RBM6: variants seen among roughly 807,000 people sequenced by gnomAD.
RBM6 encodes RNA-binding protein 6.
Under a neutral mutation model 140.4 loss-of-function variants are expected in RBM6, and 23 were observed. The ratio of observed to expected loss-of-function variants is 0.16; its 90% confidence interval spans 0.12 to 0.23. The LOEUF is 0.23. Ranked by LOEUF, RBM6 falls within the 10% of genes least tolerant of loss-of-function variation. RBM6 has a pLI of 1.00. For synonymous variants in RBM6, 439 were observed against 475.6 expected (o/e 0.92, Z 1.00); for missense variants, 1,139 against 1,386.7 (o/e 0.82, Z 2.84).
chr3:50,032,403 GAA>G (rs2088223462), intron 6 of RBM6, among the ~76,000 whole-genome samples: 1 of 149,832 alleles, frequency 6.7e-6, no homozygotes, highest in East Asian at 2.0e-4. Context: ...AGAATTGGTT[GAA>G]CCCAGGAGGT....
intron 6 of RBM6, among the ~76,000 whole-genome samples, chr3:50,046,933 T>C (rs1046284042): frequency 6.6e-6 from 1 of 152,106 alleles, no homozygotes; most frequent in Non-Finnish European, 1.5e-5. Flanking sequence ...TCGGATCATT[T>C]AGGGGATTAA....
At chr3:50,019,829 G>A (rs2087384731) in intron 6 of RBM6, among the ~76,000 whole-genome samples, 1 of 151,766 alleles carries the variant, frequency 6.6e-6, no homozygotes, top group South Asian at 2.1e-4. Context: ...AAGGGGATTG[G>A]ATTTTTGTCA....
chr3:50,034,692 CG>C (rs1033114366), intron 6 of RBM6, among the ~76,000 whole-genome samples: 1 of 151,524 alleles, frequency 6.6e-6, no homozygotes, highest in African/African-American at 2.4e-5. Flanking sequence ...ACCCGGGAGG[CG>C]GAAGTTGCAG....
At chr3:49,992,546 G>A (rs2085876637) in intron 5 of RBM6, among the ~76,000 whole-genome samples, 1 of 152,170 alleles carries the variant, frequency 6.6e-6, no homozygotes, top group Non-Finnish European at 1.5e-5. Flanking sequence ...ACCCTGCAAA[G>A]GATTTATCAT....
intron 6 of RBM6, among the ~76,000 whole-genome samples, chr3:50,012,071 G>A (rs2086875483): frequency 6.6e-6 from 1 of 151,860 alleles, no homozygotes; most frequent in Non-Finnish European, 1.5e-5. Flanking sequence ...GGTTGGTCTT[G>A]AACTTCTAAA....
intron 1 of RBM6, among the ~76,000 whole-genome samples, chr3:49,961,269 G>A (rs990099169): frequency 2.6e-5 from 4 of 152,036 alleles, no homozygotes; most frequent in Non-Finnish European, 5.9e-5. Flanking sequence ...GTAGAGATGA[G>A]ATTTCACCAT....
intron 5 of RBM6, among the ~76,000 whole-genome samples, chr3:49,990,258 T>G (rs2085759923): frequency 6.6e-6 from 1 of 152,230 alleles, no homozygotes; most frequent in Non-Finnish European, 1.5e-5. Context: ...ACAGCTAGGC[T>G]ATATTGTATA....
At chr3:50,015,850 C>T (rs966181794) in intron 6 of RBM6, among the ~76,000 whole-genome samples, 2 of 152,046 alleles carry the variant, frequency 1.3e-5, no homozygotes, top group Admixed American at 1.3e-4. Context: ...ATGGAGTACC[C>T]ACGTTATGAT....
intron 6 of RBM6, among the ~76,000 whole-genome samples, chr3:50,041,473 A>T (rs2088914686): frequency 6.6e-6 from 1 of 152,216 alleles, no homozygotes; most frequent in South Asian, 2.1e-4. Context: ...AGTGGGTTTT[A>T]AAAAATATTT....
intron 1 of RBM6, among the ~76,000 whole-genome samples, chr3:49,948,338 G>C (rs527617163): frequency 1.3e-5 from 2 of 152,160 alleles, no homozygotes; most frequent in South Asian, 4.2e-4. Flanking sequence ...GACCAGCCTA[G>C]GCAACATAGT....
At chr3:50,051,115 A>G (rs1457984530) in intron 7 of RBM6, among the ~76,000 whole-genome samples, 1 of 152,026 alleles carries the variant, frequency 6.6e-6, no homozygotes, top group East Asian at 1.9e-4. Context: ...TAAAGTGGGC[A>G]GATCACTTGA....
At chr3:49,973,979 C>G in intron 4 of RBM6, among the ~76,000 whole-genome samples, 1 of 151,942 alleles carries the variant, frequency 6.6e-6, no homozygotes, top group East Asian at 1.9e-4. Context: ...GTCACTGCAA[C>G]CTCCGCCTCT....
chr3:49,945,968 A>G (rs1312262699), intron 1 of RBM6, among the ~76,000 whole-genome samples: 1 of 151,512 alleles, frequency 6.6e-6, no homozygotes, highest in African/African-American at 2.4e-5. Flanking sequence ...AAAGGACTGG[A>G]TACCAGGAGT....
chr3:50,040,261 A>C (rs1357996450), intron 6 of RBM6, among the ~76,000 whole-genome samples: 2 of 151,902 alleles, frequency 1.3e-5, no homozygotes, highest in East Asian at 1.9e-4. Context: ...CCTGGCTAAC[A>C]CGGTGAAACC....
At chr3:50,049,147 C>T (rs1442221932) in intron 7 of RBM6, among the ~76,000 whole-genome samples, 4 of 150,778 alleles carry the variant, frequency 2.7e-5, no homozygotes, top group Non-Finnish European at 4.4e-5. Flanking sequence ...CTTGCTCTGT[C>T]GCCCAGGCTG....
chr3:49,990,437 C>T (rs2085767213), intron 5 of RBM6, among the ~76,000 whole-genome samples: 1 of 152,164 alleles, frequency 6.6e-6, no homozygotes, highest in African/African-American at 2.4e-5. Flanking sequence ...TTTTCAGTGC[C>T]ATTATAATCT....
At chr3:49,949,859 A>G (rs911583391) in intron 1 of RBM6, among the ~76,000 whole-genome samples, 1 of 151,988 alleles carries the variant, frequency 6.6e-6, no homozygotes, top group Non-Finnish European at 1.5e-5. Context: ...GGTAACTGGG[A>G]CTACAGGTGT....
rs185256806 is a variant in RBM6 at position 50,018,634 on chromosome 3, C to A, written c.1557+19121C>A. On this transcript the variant is annotated intron_variant, in intron 6 of 20. Transcript: ENST00000266022. Reference sequence around the variant, plus strand: ...TTTGACACGGAGCCTTGCTCTGTCACCAGCTGGAGTGCAGTGGTGCGATCT... The same window carrying A: ...TTTGACACGGAGCCTTGCTCTGTCAACAGCTGGAGTGCAGTGGTGCGATCT... Among the ~76,000 whole-genome samples the A allele has an allele frequency of 2.4e-4, 31 of 128,332 alleles. No individual in the cohort carries two copies. The East Asian group carries it at 7.5e-3, about 31-fold the overall frequency. 84.2% of individuals were successfully genotyped at this position (128,332 alleles called of 152,430 possible). A position where few individuals can be genotyped will look rare whatever the true frequency, so the allele number is the denominator to read the frequency against.
intron 6 of RBM6, among the ~76,000 whole-genome samples, chr3:50,040,732 C>T (rs964024791): frequency 6.6e-6 from 1 of 151,382 alleles, no homozygotes; most frequent in Non-Finnish European, 1.5e-5. Context: ...GCTTGGCTCA[C>T]TGCAGCCTCG....
Sources: gnomAD v4.1 joint callset for allele counts (sites outside exome capture counted in the v4.1 genomes callset) on GRCh38, gnomAD v4.1.1 for gene constraint, MANE v1.5 for transcripts, NCBI Gene and HGNC (gene_info 2026-07-23, HGNC 2026-07-21) for gene names.